The following NXPE4 variants were observed in gnomAD, a reference collection of about 807,000 sequenced individuals.
The protein encoded by NXPE4 is NXPE family member 4.
NXPE4 carries 42 observed loss-of-function variants against 33.3 expected under a neutral mutation model. The ratio of observed to expected loss-of-function variants is 1.26; its 90% CI spans 0.98 to 1.63. NXPE4 has a LOEUF of 1.63. NXPE4 is among the 40% of genes most tolerant of loss of function. NXPE4 has a pLI of 0.00. For synonymous variants in NXPE4, 253 were observed against 234.9 expected (o/e 1.08, Z -0.71); for missense variants, 709 against 647.6 (o/e 1.09, Z -1.03).
chr11:114,639,325 G>A, the NXPE4 span, among the ~76,000 whole-genome samples: 25,757 of 151,998 alleles, frequency 0.17, 2,433 homozygotes, highest in African/African-American at 0.24. Flanking sequence ...TCGGAAAAGT[G>A]CAGTATTAGG....
chr11:114,600,582 A>G (rs964130031), upstream of NXPE4, among the ~76,000 whole-genome samples: 6 of 152,138 alleles, frequency 3.9e-5, no homozygotes, highest in Non-Finnish European at 8.8e-5. Context: ...CTAAAGTGTC[A>G]CAATCATGAA....
At chr11:114,611,612 C>G in the NXPE4 span, among the ~76,000 whole-genome samples, 1 of 150,056 alleles carries the variant, frequency 6.7e-6, no homozygotes, top group African/African-American at 2.4e-5. Context: ...AATTCTTACC[C>G]TGTGGAAAAT....
chr11:114,626,854 G>A, the NXPE4 span, among the ~76,000 whole-genome samples: 1,331 of 152,008 alleles, frequency 8.8e-3, 19 homozygotes, highest in African/African-American at 0.031. Flanking sequence ...ACCAAGGCTC[G>A]AGAACTACGT....
At chr11:114,650,792 T>G in the NXPE4 span, among the ~76,000 whole-genome samples, 30 of 151,908 alleles carry the variant, frequency 2.0e-4, no homozygotes, top group East Asian at 3.9e-4. Context: ...GGAAAGACTC[T>G]CTCTAAGTTC....
At chr11:114,611,845 A>G in the NXPE4 span, among the ~76,000 whole-genome samples, 6 of 151,470 alleles carry the variant, frequency 4.0e-5, no homozygotes, top group East Asian at 2.0e-4. Flanking sequence ...ATATTTCCTC[A>G]TGGGAAACCA....
chr11:114,645,989 A>T, the NXPE4 span, among the ~76,000 whole-genome samples: 1 of 152,106 alleles, frequency 6.6e-6, no homozygotes, highest in Non-Finnish European at 1.5e-5. Context: ...CTCAGCATTT[A>T]TATCTATTGG....
At chr11:114,639,251 G>T in the NXPE4 span, among the ~76,000 whole-genome samples, 4 of 151,868 alleles carry the variant, frequency 2.6e-5, no homozygotes, top group South Asian at 4.1e-4. Flanking sequence ...GAGACTCTGT[G>T]GGCATAGGAC....
the NXPE4 span, among the ~76,000 whole-genome samples, chr11:114,632,812 T>A: frequency 5.6e-3 from 1 of 180 alleles, no homozygotes. Flanking sequence ...AATTATATAT[T>A]ATATATATAT....
the NXPE4 span, among the ~76,000 whole-genome samples, chr11:114,671,742 CA>C: frequency 6.6e-6 from 1 of 151,850 alleles, no homozygotes; most frequent in East Asian, 1.9e-4. Context: ...CTCAGATAAA[CA>C]AAACTGAGAG....
the NXPE4 span, among the ~76,000 whole-genome samples, chr11:114,616,682 G>C: frequency 1.3e-5 from 2 of 151,616 alleles, no homozygotes; most frequent in African/African-American, 2.4e-5. Flanking sequence ...TGGATAATAC[G>C]TGTTGCCTCG....
At chr11:114,605,540 G>C in the NXPE4 span, among the ~76,000 whole-genome samples, 1 of 151,142 alleles carries the variant, frequency 6.6e-6, no homozygotes, top group South Asian at 2.1e-4. Context: ...TGGATAATGT[G>C]TTGCCTCATG....
chr11:114,651,523 A>G, the NXPE4 span, among the ~76,000 whole-genome samples: 1 of 152,236 alleles, frequency 6.6e-6, no homozygotes, highest in Middle Eastern at 3.2e-3. Flanking sequence ...CACAGCATGG[A>G]AGAGAATCCG....
the NXPE4 span, among the ~76,000 whole-genome samples, chr11:114,639,252 G>T: frequency 6.6e-6 from 1 of 152,028 alleles, no homozygotes; most frequent in South Asian, 2.1e-4. Flanking sequence ...AGACTCTGTG[G>T]GCATAGGACC....
the NXPE4 span, among the ~76,000 whole-genome samples, chr11:114,642,493 C>T: frequency 6.6e-6 from 1 of 151,898 alleles, no homozygotes. Flanking sequence ...CTCATTGTTC[C>T]ACTCCCACTT....
chr11:114,603,359 C>T, the NXPE4 span, among the ~76,000 whole-genome samples: 2 of 150,816 alleles, frequency 1.3e-5, no homozygotes, highest in African/African-American at 4.9e-5. Context: ...ACTCCTATTA[C>T]CTGACGGATG....
At chr11:114,585,486 A>G (rs1949270915) in intron 2 of NXPE4, among the ~76,000 whole-genome samples, 1 of 152,134 alleles carries the variant, frequency 6.6e-6, no homozygotes, top group African/African-American at 2.4e-5. Flanking sequence ...CACTATGCTT[A>G]TATCAGATAA....
At chr11:114,607,403 T>C in the NXPE4 span, among the ~76,000 whole-genome samples, 1 of 151,892 alleles carries the variant, frequency 6.6e-6, no homozygotes. Flanking sequence ...GGGTAACCAC[T>C]GTTACCTGGT....
At chr11:114,601,945 AT>A in the NXPE4 span, among the ~76,000 whole-genome samples, 46 of 71,198 alleles carry the variant, frequency 6.5e-4, 1 homozygote, top group Non-Finnish European at 9.8e-4. Context: ...ATATTATATA[AT>A]TATATATAAT....
the NXPE4 span, among the ~76,000 whole-genome samples, chr11:114,630,380 C>T: frequency 6.6e-6 from 1 of 151,782 alleles, no homozygotes; most frequent in Admixed American, 6.6e-5. Context: ...ATTTCTACAA[C>T]TATCTGATCT....
Sources: gnomAD v4.1 joint callset for allele counts (sites outside exome capture counted in the v4.1 genomes callset) on GRCh38, gnomAD v4.1.1 for gene constraint, MANE v1.5 for transcripts, NCBI Gene and HGNC (gene_info 2026-07-23, HGNC 2026-07-21) for gene names.